The following NAA60 variants were observed in gnomAD, a reference collection of about 807,000 sequenced individuals.
NAA60 encodes the protein N-alpha-acetyltransferase 60, NatF catalytic subunit.
In NAA60, 8 loss-of-function variants were observed where a neutral mutation model predicts 26.1. The observed-to-expected ratio is 0.31, with a 90% CI of 0.18 to 0.55. The LOEUF (loss-of-function observed/expected upper bound fraction) is 0.55, where lower values mean the gene tolerates loss of function less well. NAA60 is among the 20% of genes least tolerant of loss of function. The pLI, the probability that NAA60 is intolerant of heterozygous loss-of-function variation, is 0.93. For missense variants in NAA60, 290 were observed against 311.3 expected (o/e 0.93, Z 0.51); for synonymous variants, 131 against 122.5 (o/e 1.07, Z -0.46).
At chr16:3,460,325 G>A (rs373672593) in intron 2 of NAA60, among the ~76,000 whole-genome samples, 1 of 151,238 alleles carries the variant, frequency 6.6e-6, no homozygotes, top group African/African-American at 2.5e-5. Context: ...AGGAATCCAC[G>A]AAGCCCTCAT....
intron 4 of NAA60, among the ~76,000 whole-genome samples, chr16:3,481,988 C>A (rs544528616): frequency 6.6e-6 from 1 of 152,114 alleles, no homozygotes; most frequent in African/African-American, 2.4e-5. Flanking sequence ...GCAGGTGTGG[C>A]GGTGTCCTCT....
intron 2 of NAA60, among the ~76,000 whole-genome samples, chr16:3,471,305 T>C (rs936450118): frequency 6.6e-6 from 1 of 152,068 alleles, no homozygotes; most frequent in African/African-American, 2.4e-5. Flanking sequence ...ATCGAGACCA[T>C]CCTGGCTAAC....
intron 2 of NAA60, among the ~76,000 whole-genome samples, chr16:3,454,412 G>A (rs1162695049): frequency 6.6e-6 from 1 of 152,184 alleles, no homozygotes; most frequent in Non-Finnish European, 1.5e-5. Flanking sequence ...GCTGGAAGAG[G>A]CCTTAGAGCC....
At chr16:3,483,010 G>A (rs1472080640) in intron 5 of NAA60, 5 of 465,388 alleles carry the variant, frequency 1.1e-5, no homozygotes, top group East Asian at 4.0e-5. Context: ...TCGGCCACAC[G>A]GCCAGTGAGC....
At position 3,485,493 on chromosome 16, in the gene NAA60, G is replaced by A. The variant is rs756571529; in HGVS notation, c.*233G>A. ...CTCTTCAGCTCCCCTCCCTGCTTCT[G>A]GAAACCTCTGCCTGCTGCCCTGGCC... On this transcript the variant is annotated 3_prime_UTR_variant, in exon 8 of 8. Coordinates refer to ENST00000407558, the MANE Select transcript of NAA60 (RefSeq NM_001083601.3). The A allele has an allele frequency of 1.8e-5, 8 of 456,644 alleles. No homozygotes were observed. Among genetic ancestry groups the A allele is most frequent in the South Asian group, 3.1e-5 (2 of 64,514 alleles). 28.3% of individuals were successfully genotyped at this position (456,644 alleles called of 1,614,324 possible).
intron 2 of NAA60, among the ~76,000 whole-genome samples, chr16:3,463,459 G>A (rs1246883040): frequency 3.3e-5 from 5 of 150,596 alleles, no homozygotes; most frequent in Non-Finnish European, 7.4e-5. Flanking sequence ...GGCTGAGGCA[G>A]GAGGATTACT....
intron 2 of NAA60, among the ~76,000 whole-genome samples, chr16:3,475,682 G>C (rs958132521): frequency 1.3e-5 from 2 of 152,156 alleles, no homozygotes; most frequent in Admixed American, 6.5e-5. Context: ...GGGCGGGGAG[G>C]AGAAATTGGG....
At chr16:3,479,634 C>G (rs545705033) in intron 4 of NAA60, 34 bp downstream of exon 4, 2 of 1,610,688 alleles carry the variant, frequency 1.2e-6, no homozygotes, top group African/African-American at 2.7e-5. Context: ...ACTTGGCAGT[C>G]ACTGTCATTG....
At chr16:3,468,804 G>A (rs563988356) in intron 2 of NAA60, among the ~76,000 whole-genome samples, 9 of 152,302 alleles carry the variant, frequency 5.9e-5, no homozygotes, top group South Asian at 4.1e-4. Flanking sequence ...GGCCGGGCTC[G>A]GTAGCTCATG....
chr16:3,445,366 G>C (rs544504824), intron 1 of NAA60, among the ~76,000 whole-genome samples: 2 of 150,348 alleles, frequency 1.3e-5, no homozygotes, highest in African/African-American at 4.9e-5. Flanking sequence ...CTCTGCCTCC[G>C]GGGTTCAAAT....
chr16:3,451,594 A>G (rs1385434603), intron 2 of NAA60, among the ~76,000 whole-genome samples: 1 of 152,116 alleles, frequency 6.6e-6, no homozygotes, highest in East Asian at 1.9e-4. Flanking sequence ...AAACAATGAG[A>G]CCTTTTTCAG....
chr16:3,460,372 TTGTTTTTTGGAGATAGGTTCTCACTC>T (rs2035304783), intron 2 of NAA60, among the ~76,000 whole-genome samples: 1 of 152,220 alleles, frequency 6.6e-6, no homozygotes, highest in Admixed American at 6.5e-5. Context: ...GTTGTCGTTG[TTGTTTTTTGGAGATAGGTTCTCACTC>T]TGTCGCCCAG....
At chr16:3,447,112 A>G (rs7198051) in intron 1 of NAA60, among the ~76,000 whole-genome samples, 87,775 of 152,168 alleles carry the variant, frequency 0.58, 25,628 homozygotes, top group East Asian at 0.75. Context: ...AAGTGCTGGG[A>G]TTACAGGCGT....
At chr16:3,448,708 A>G in intron 2 of NAA60, 168 bp downstream of exon 2, 2 of 590,952 alleles carry the variant, frequency 3.4e-6, no homozygotes, top group South Asian at 4.1e-5. Context: ...CTTTTTTGCT[A>G]GGAGGGTAAA....
At chr16:3,463,455 G>A (rs1415829252) in intron 2 of NAA60, among the ~76,000 whole-genome samples, 2 of 151,288 alleles carry the variant, frequency 1.3e-5, no homozygotes, top group Middle Eastern at 3.4e-3. Flanking sequence ...CGGAGGCTGA[G>A]GCAGGAGGAT....
chr16:3,467,507 C>T (rs1303683525), intron 2 of NAA60, among the ~76,000 whole-genome samples: 1 of 152,068 alleles, frequency 6.6e-6, no homozygotes, highest in Non-Finnish European at 1.5e-5. Flanking sequence ...GAGGAGTCCC[C>T]CGTGGACTTG....
chr16:3,461,154 T>TA (rs1321068525), intron 2 of NAA60, among the ~76,000 whole-genome samples: 1 of 152,174 alleles, frequency 6.6e-6, no homozygotes, highest in Non-Finnish European at 1.5e-5. Flanking sequence ...CACTGCTGAT[T>TA]AAAGAGAGAC....
Position 3,443,680 on chromosome 16 carries a change from C to T in NAA60, c.-234C>T. 7.2e-7 allele frequency: 1 copy of T among 1,387,938 alleles called. No homozygotes were observed. The highest frequency in any genetic ancestry group is 9.4e-7 in the Non-Finnish European group (1 of 1,068,622). The allele number at this position is 1,387,938 out of a possible 1,614,324, so 86.0% of individuals were successfully genotyped here. A position where few individuals can be genotyped will look rare whatever the true frequency, so the allele number is the denominator to read the frequency against. ...CCTCCTTTTCTCTAAGCAACCATTT[C>T]CGCTTCCGCTGGCGGGGTCTCCTCC... is the stretch of plus-strand genomic sequence containing the variant. On this transcript the variant is annotated 5_prime_UTR_variant, in exon 1 of 8. Transcript: ENST00000407558.
chr16:3,484,324 CCTT>C (rs975729001), intron 6 of NAA60, among the ~76,000 whole-genome samples: 2 of 152,210 alleles, frequency 1.3e-5, no homozygotes, highest in Admixed American at 6.5e-5. Context: ...TTGACCCCCT[CCTT>C]GTCATATGGA....
Sources: gnomAD v4.1 joint callset for allele counts (sites outside exome capture counted in the v4.1 genomes callset) on GRCh38, gnomAD v4.1.1 for gene constraint, MANE v1.5 for transcripts, NCBI Gene and HGNC (gene_info 2026-07-23, HGNC 2026-07-21) for gene names.